Variants in ARHGAP24 observed in about 807,000 individuals in gnomAD.
ARHGAP24 encodes the protein Rho GTPase activating protein 24, also known as rho GTPase-activating protein 24.
A neutral mutation model predicts 76.4 loss-of-function variants in ARHGAP24; 50 were observed. The ratio of observed to expected loss-of-function variants is 0.65; its 90% CI spans 0.52 to 0.83. The LOEUF (loss-of-function observed/expected upper bound fraction) is 0.83, where lower values mean the gene tolerates loss of function less well. Ranked by LOEUF, ARHGAP24 falls within the 40% of genes least tolerant of loss-of-function variation. The pLI is 0.00. For missense variants in ARHGAP24, 930 were observed against 914.2 expected (o/e 1.02, Z -0.22); for synonymous variants, 345 against 323.3 (o/e 1.07, Z -0.72).
At chr4:85,922,426 AT>A (rs1449084683) in intron 3 of ARHGAP24, among the ~76,000 whole-genome samples, 4 of 152,216 alleles carry the variant, frequency 2.6e-5, no homozygotes, top group Non-Finnish European at 5.9e-5. Context: ...TTATAAAAGT[AT>A]TTAGATCCAC....
intron 3 of ARHGAP24, among the ~76,000 whole-genome samples, chr4:85,919,369 C>T (rs989592783): frequency 3.3e-5 from 5 of 152,162 alleles, no homozygotes; most frequent in African/African-American, 1.2e-4. Flanking sequence ...GAACAGATGG[C>T]ACTTTCAGTT....
intron 3 of ARHGAP24, among the ~76,000 whole-genome samples, chr4:85,893,962 G>T (rs890028155): frequency 1.8e-5 from 2 of 110,656 alleles, no homozygotes; most frequent in African/African-American, 7.0e-5. Context: ...GGTGGGGGGA[G>T]GGGGGAGGGA....
At chr4:85,519,867 T>A (rs1167817142) in intron 1 of ARHGAP24, among the ~76,000 whole-genome samples, 1 of 152,166 alleles carries the variant, frequency 6.6e-6, no homozygotes, top group Non-Finnish European at 1.5e-5. Context: ...TCTTCAAGGC[T>A]GTCCCGACTG....
intron 1 of ARHGAP24, among the ~76,000 whole-genome samples, chr4:85,505,677 T>C (rs1394340143): frequency 6.6e-6 from 1 of 152,062 alleles, no homozygotes; most frequent in Non-Finnish European, 1.5e-5. Flanking sequence ...GACATGCTCC[T>C]TCAGCTCAGA....
At chr4:85,570,858 ACCC>A in intron 2 of ARHGAP24, 137 bp downstream of exon 2, 1 of 1,009,576 alleles carries the variant, frequency 9.9e-7, no homozygotes, top group Non-Finnish European at 1.5e-6. Flanking sequence ...TCACCCTTTT[ACCC>A]ATTGCTTGCT....
At chr4:85,695,375 G>A (rs1723830680) in intron 2 of ARHGAP24, among the ~76,000 whole-genome samples, 1 of 152,096 alleles carries the variant, frequency 6.6e-6, no homozygotes, top group Non-Finnish European at 1.5e-5. Context: ...ATGGGTATGG[G>A]GAAGGTTTAG....
Position 85,547,191 on chromosome 4 carries a change from A to G in ARHGAP24, c.-20-23331A>G, listed in dbSNP as rs187903164. Among the ~76,000 whole-genome samples, 85 of 152,306 alleles carry G rather than the reference A, an allele frequency of 5.6e-4. No individual in the cohort carries two copies. In the Middle Eastern group the frequency reaches 0.014, roughly 24 times the overall value. Reference sequence around the variant, plus strand: ...CAAGCCCAAATCAAGCATTGAGCTTAGTTGTCCTGTCTCTTTAGTGTACTT... The same window carrying G: ...CAAGCCCAAATCAAGCATTGAGCTTGGTTGTCCTGTCTCTTTAGTGTACTT... On this transcript the variant is annotated intron_variant, in intron 1 of 9. Coordinates refer to ENST00000395184, the MANE Select transcript of ARHGAP24 (RefSeq NM_001025616.3).
rs1300149142 is a variant in ARHGAP24 at position 85,475,566 on chromosome 4, G to T, written c.-21+7G>T. The T allele has an allele frequency of 6.6e-6, 1 of 151,874 alleles. No individual in the cohort carries two copies. The highest frequency in any genetic ancestry group is 6.6e-5 in the Admixed American group (1 of 15,224). The allele number at this position is 151,874 out of a possible 1,614,324, so 9.4% of individuals were successfully genotyped here. On this transcript the variant is annotated splice_region_variant and intron_variant, in intron 1 of 9. Coordinates refer to ENST00000395184, the MANE Select transcript of ARHGAP24 (RefSeq NM_001025616.3). ...GTCTTGAGCTCCCAGCAAGGTAGGT[G>T]ATGCGGTCGCGAGGAAGTGCGCGGA...
intron 1 of ARHGAP24, among the ~76,000 whole-genome samples, chr4:85,512,145 C>T (rs1363927557): frequency 1.3e-5 from 2 of 152,202 alleles, no homozygotes; most frequent in East Asian, 3.8e-4. Flanking sequence ...CACAATTCAA[C>T]CCATGTCCCA....
chr4:85,635,742 G>A (rs1721291346), intron 2 of ARHGAP24, among the ~76,000 whole-genome samples: 2 of 151,712 alleles, frequency 1.3e-5, no homozygotes, highest in South Asian at 2.1e-4. Context: ...TCTTACCAGC[G>A]GAGTTTCTAG....
intron 2 of ARHGAP24, among the ~76,000 whole-genome samples, chr4:85,617,196 A>G (rs1466531197): frequency 1.3e-5 from 2 of 148,302 alleles, no homozygotes; most frequent in African/African-American, 4.9e-5. Context: ...ATAAATATGT[A>G]TATGGATTGC....
intron 3 of ARHGAP24, among the ~76,000 whole-genome samples, chr4:85,904,140 G>C (rs1476165637): frequency 1.3e-5 from 2 of 152,124 alleles, no homozygotes; most frequent in Non-Finnish European, 1.5e-5. Flanking sequence ...AACTGAGACT[G>C]GATAATTTAT....
chr4:85,630,523 T>C (rs1246067095), intron 2 of ARHGAP24, among the ~76,000 whole-genome samples: 2 of 152,248 alleles, frequency 1.3e-5, no homozygotes, highest in South Asian at 4.2e-4. Context: ...AGTCAGCTCA[T>C]CCAGAGATAC....
At chr4:85,796,350 T>TA (rs70948757) in intron 3 of ARHGAP24, among the ~76,000 whole-genome samples, 30,440 of 152,082 alleles carry the variant, frequency 0.2, 4,126 homozygotes, top group Non-Finnish European at 0.3. Context: ...AGTCTATCTT[T>TA]AAAAAATATG....
At chr4:85,710,588 G>A (rs1724490492) in intron 2 of ARHGAP24, among the ~76,000 whole-genome samples, 1 of 152,208 alleles carries the variant, frequency 6.6e-6, no homozygotes, top group East Asian at 1.9e-4. Context: ...CCAACATCTA[G>A]CATCTATAAA....
intron 4 of ARHGAP24, among the ~76,000 whole-genome samples, chr4:85,937,194 C>G (rs538952238): frequency 6.6e-6 from 1 of 152,230 alleles, no homozygotes; most frequent in South Asian, 2.1e-4. Context: ...TAATCTAATG[C>G]AGTGGTAAGG....
chr4:85,831,226 T>G (rs568665684), intron 3 of ARHGAP24, among the ~76,000 whole-genome samples: 4 of 152,134 alleles, frequency 2.6e-5, no homozygotes, highest in Non-Finnish European at 5.9e-5. Flanking sequence ...CATAAACTCT[T>G]TACACATTAA....
At chr4:85,679,699 C>A (rs1723129534) in intron 2 of ARHGAP24, among the ~76,000 whole-genome samples, 1 of 152,138 alleles carries the variant, frequency 6.6e-6, no homozygotes, top group African/African-American at 2.4e-5. Context: ...AGGTACTACA[C>A]CATGTTGGGA....
At chr4:85,871,561 A>T (rs994714450) in intron 3 of ARHGAP24, among the ~76,000 whole-genome samples, 1 of 152,182 alleles carries the variant, frequency 6.6e-6, no homozygotes, top group African/African-American at 2.4e-5. Context: ...TACCCAATAC[A>T]ACTTCCCCTT....
Sources: gnomAD v4.1 joint callset for allele counts (sites outside exome capture counted in the v4.1 genomes callset) on GRCh38, gnomAD v4.1.1 for gene constraint, MANE v1.5 for transcripts, NCBI Gene and HGNC (gene_info 2026-07-23, HGNC 2026-07-21) for gene names.